Variants in IGF2R observed in about 807,000 individuals in gnomAD.
IGF2R encodes the protein insulin like growth factor 2 receptor.
IGF2R carries 91 observed loss-of-function variants against 270.6 expected under a neutral mutation model. The observed-to-expected ratio is 0.34, with a 90% CI of 0.28 to 0.40. The LOEUF is 0.40. IGF2R is among the 10% of genes least tolerant of loss of function. IGF2R has a pLI of 1.00. For missense variants in IGF2R, 2,805 were observed against 3,188.3 expected (o/e 0.88, Z 2.90); for synonymous variants, 1,316 against 1,258.9 (o/e 1.05, Z -0.96).
rs117646065 is a variant in IGF2R at position 160,056,007 on chromosome 6, G to A, written c.2695-417G>A. Reference sequence around the variant, plus strand: ...CCTGTGCCCTCTTCCTGCCACTGCTGAGCATCCTCCTGACCTCTGACAGCG... The same window carrying A: ...CCTGTGCCCTCTTCCTGCCACTGCTAAGCATCCTCCTGACCTCTGACAGCG... On this transcript the variant is annotated intron_variant, in intron 19 of 47. Coordinates refer to ENST00000356956, the MANE Select transcript of IGF2R (RefSeq NM_000876.4). Among the ~76,000 whole-genome samples the A allele has an allele frequency of 3.0e-4, 46 of 152,258 alleles. No homozygotes were observed. In the East Asian group the frequency reaches 7.9e-3, roughly 26 times the overall value.
At chr6:160,073,694 A>G in intron 34 of IGF2R, 63 bp from the exon 35 acceptor site, 1 of 1,337,160 alleles carries the variant, frequency 7.5e-7, no homozygotes, top group South Asian at 1.3e-5. Flanking sequence ...ATTCTTATGG[A>G]TGACCTAGTG....
intron 4 of IGF2R, among the ~76,000 whole-genome samples, chr6:160,021,780 G>A (rs1461834972): frequency 1.3e-5 from 2 of 152,166 alleles, no homozygotes; most frequent in African/African-American, 4.8e-5. Flanking sequence ...TACACCATTG[G>A]TGGGAATGTA....
At position 160,024,517 on chromosome 6, in the gene IGF2R, T is replaced by C. The variant is rs569704865; in HGVS notation, c.514-55T>C. ...GTTGTGTGACATTGGTCATAAGCTT[T>C]TCTGATTGACCAAGATGTATACTGA... On this transcript the variant is annotated intron_variant, in intron 4 of 47. Coordinates refer to ENST00000356956, the MANE Select transcript of IGF2R (RefSeq NM_000876.4). 1.9e-6 allele frequency: 3 copies of C among 1,569,506 alleles called. No individual in the cohort carries two copies. In the African/African-American group the frequency reaches 4.0e-5, roughly 21 times the overall value.
In IGF2R at chr6:160,073,769, G is replaced by A. The variant is rs773729117; in HGVS notation, c.4960G>A (p.Val1654Met). 10 of 1,613,926 alleles carry A rather than the reference G, an allele frequency of 6.2e-6. No homozygotes were observed. In the Admixed American group the frequency reaches 8.3e-5, roughly 13 times the overall value. The change falls in exon 35 of 48, where the codon GTG becomes ATG. Residue 1654 changes from valine (V) to methionine (M), a missense_variant. Coordinates refer to ENST00000356956, the MANE Select transcript of IGF2R (RefSeq NM_000876.4). Reference protein sequence around the residue: ...LACEQATECSVRNGSSIVDLS... With the variant: ...LACEQATECSMRNGSSIVDLS... ...TCCTACTTAACAGACCGAATGTTCC[G>A]TGAGGAATGGAAGCTCTATTGTTGA...
At chr6:160,031,182 T>C (rs1777688379) in intron 7 of IGF2R, among the ~76,000 whole-genome samples, 1 of 152,228 alleles carries the variant, frequency 6.6e-6, no homozygotes, top group Non-Finnish European at 1.5e-5. Flanking sequence ...GCAGACCTTG[T>C]GTGACATGTG....
intron 25 of IGF2R, among the ~76,000 whole-genome samples, chr6:160,062,329 ACG>A (rs1778458563): frequency 6.6e-6 from 1 of 151,716 alleles, no homozygotes; most frequent in South Asian, 2.1e-4. Context: ...ACCTGCCACC[ACG>A]CCCAGCTAAC....
At position 160,073,250 on chromosome 6, in the gene IGF2R, G is replaced by T. The variant is rs1369727038; in HGVS notation, c.4728G>T (p.Lys1576Asn). 1 of 1,614,276 alleles carries T rather than the reference G, an allele frequency of 6.2e-7. No individual in the cohort carries two copies. Among genetic ancestry groups the T allele is most frequent in the Non-Finnish European group, 8.5e-7 (1 of 1,180,048 alleles). ...CFGQTRISVG[K>N]ANKRLRYVDQ... ...GACAGACCAGGATTAGCGTGGGCAA[G>T]GCCAACAAGAGGCTGAGATACGTGG... is the stretch of plus-strand genomic sequence containing the variant. The change falls in exon 34 of 48, where the codon AAG becomes AAT. Residue 1576 changes from lysine (K) to asparagine (N), a missense_variant. This residue lies in a region of IGF2R where 1,851 missense variants were observed against 2,207.2 expected (regional missense o/e 0.84). Transcript: ENST00000356956.
intron 10 of IGF2R, among the ~76,000 whole-genome samples, chr6:160,035,989 A>T (rs1489082265): frequency 6.6e-6 from 1 of 152,162 alleles, no homozygotes; most frequent in East Asian, 1.9e-4. Context: ...GGGCCTCCAG[A>T]CATTCAAAGG....
intron 6 of IGF2R, among the ~76,000 whole-genome samples, chr6:160,027,722 C>T (rs1777594170): frequency 6.6e-6 from 1 of 152,242 alleles, no homozygotes; most frequent in Admixed American, 6.5e-5. Context: ...TGGGATGTGA[C>T]AGGGACCTTG....
intron 22 of IGF2R, 79 bp from the exon 23 acceptor site, chr6:160,060,468 C>G (rs1346223899): frequency 5.6e-5 from 79 of 1,403,876 alleles, no homozygotes; most frequent in Non-Finnish European, 7.7e-5. Flanking sequence ...GCAGCCTTGT[C>G]CTGTTGCTGC....
intron 13 of IGF2R, among the ~76,000 whole-genome samples, chr6:160,045,298 T>C (rs890989847): frequency 1.3e-5 from 2 of 152,220 alleles, no homozygotes; most frequent in African/African-American, 4.8e-5. Context: ...CATTGAAATA[T>C]TTCCTTTGGA....
At chr6:160,104,641 G>C (rs1779570823) in intron 47 of IGF2R, 33 bp from the exon 48 acceptor site, 3 of 1,588,060 alleles carry the variant, frequency 1.9e-6, no homozygotes, top group Admixed American at 1.7e-5. Flanking sequence ...CTCTTAGGGG[G>C]CTCACGTGGT....
At chr6:160,030,992 C>T (rs1777683313) in intron 7 of IGF2R, among the ~76,000 whole-genome samples, 1 of 152,172 alleles carries the variant, frequency 6.6e-6, no homozygotes, top group South Asian at 2.1e-4. Flanking sequence ...CAGGCATGTG[C>T]CACCACGCCT....
rs756184762 is a variant in IGF2R, at chr6:160,084,153, G to A, written c.6037G>A (p.Gly2013Arg). 1.9e-6 allele frequency: 3 copies of A among 1,613,846 alleles called. No individual in the cohort carries two copies. The highest frequency in any genetic ancestry group is 2.2e-5 in the East Asian group (1 of 44,878). The change falls in exon 40 of 48, where the codon GGG (glycine) becomes AGG (arginine). Residue 2013 changes from glycine (G) to arginine (R), a missense_variant. This residue lies in a region of IGF2R where 1,851 missense variants were observed against 2,207.2 expected (regional missense o/e 0.84). Coordinates refer to ENST00000356956, the MANE Select transcript of IGF2R (RefSeq NM_000876.4). The surrounding 1 kb of genome is among the most constrained non-coding windows in gnomAD (Gnocchi z 4.6). Reference sequence around the variant, plus strand: ...CCTGCGGCTGCTCTCCTCTCTCACCGGGTCCTGGTCCCTCGTCCACAACGG... The same window carrying A: ...CCTGCGGCTGCTCTCCTCTCTCACCAGGTCCTGGTCCCTCGTCCACAACGG... Reference protein sequence around the residue: ...YDLRLLSSLTGSWSLVHNGVS... With the variant: ...YDLRLLSSLTRSWSLVHNGVS...
intron 2 of IGF2R, among the ~76,000 whole-genome samples, chr6:160,002,332 A>T (rs971802722): frequency 2.0e-5 from 3 of 152,202 alleles, no homozygotes; most frequent in African/African-American, 7.2e-5. Flanking sequence ...TGGAGGCCTC[A>T]ATGAGCTGTA....
At chr6:160,063,362 T>C (rs1273934460) in intron 26 of IGF2R, 53 bp from the exon 27 acceptor site, 3 of 1,382,092 alleles carry the variant, frequency 2.2e-6, no homozygotes, top group Non-Finnish European at 3.1e-6. Context: ...TGCTTGAAAA[T>C]GTGAATGCGT....
rs758386621 is a variant in IGF2R, at chr6:160,103,819, A to G, written c.7065+4A>G. 1.2e-6 allele frequency: 2 copies of G among 1,604,254 alleles called. No homozygotes were observed. The highest frequency in any genetic ancestry group is 1.3e-5 in the African/African-American group (1 of 74,768). On this transcript the variant is annotated splice_donor_region_variant and intron_variant, in intron 47 of 47. Transcript: ENST00000356956. ...CGTGTCCTACAAATACTCAAAGGTAATTTTCTGTGGCGAGTCTCTTGAAGG... is the reference window on the plus strand; with the variant it reads ...CGTGTCCTACAAATACTCAAAGGTAGTTTTCTGTGGCGAGTCTCTTGAAGG...
intron 30 of IGF2R, among the ~76,000 whole-genome samples, 186 bp from the exon 31 acceptor site, chr6:160,069,678 TGTAA>T (rs1178991718): frequency 4.6e-5 from 7 of 152,340 alleles, no homozygotes; most frequent in African/African-American, 1.2e-4. Context: ...CAAAACAGCA[TGTAA>T]GTGAGTGAGA....
chr6:160,011,644 G>C (rs1394594271), intron 4 of IGF2R, among the ~76,000 whole-genome samples: 5 of 151,064 alleles, frequency 3.3e-5, no homozygotes. Context: ...GGTTGTGGTG[G>C]TGTTTAATGG....
Sources: allele counts gnomAD v4.1 joint callset (sites outside exome capture counted in the v4.1 genomes callset), GRCh38; gene constraint gnomAD v4.1.1; regional missense constraint gnomAD v4.1.1; non-coding constraint Gnocchi (gnomAD v3.1); transcripts MANE v1.5; gene names NCBI Gene and HGNC (gene_info 2026-07-23, HGNC 2026-07-21).